METTL15: variants seen among roughly 807,000 people sequenced by gnomAD.
METTL15 encodes the protein methyltransferase 15, mitochondrial 12S rRNA N4-cytidine.
In METTL15, 34 loss-of-function variants were observed where a neutral mutation model predicts 38.3. The observed-to-expected ratio is 0.89, with a 90% CI of 0.68 to 1.18. The LOEUF (loss-of-function observed/expected upper bound fraction) is 1.18. Among genes scored for constraint, METTL15 ranks in the 50% most tolerant of loss-of-function variants. The probability of loss-of-function intolerance (pLI) is 0.00; values close to 1 mark genes in which losing one functional copy is unlikely to be tolerated. For missense variants in METTL15, 438 were observed against 498.4 expected (o/e 0.88, Z 1.15); for synonymous variants, 162 against 170.9 (o/e 0.95, Z 0.41).
At chr11:28,415,199 A>G (rs907177241) in intron 5 of METTL15, among the ~76,000 whole-genome samples, 2 of 152,216 alleles carry the variant, frequency 1.3e-5, no homozygotes, top group Non-Finnish European at 2.9e-5. Context: ...TTTCTGTAGT[A>G]TATAGAGTTA....
intron 3 of METTL15, among the ~76,000 whole-genome samples, chr11:28,118,330 G>A (rs1852063364): frequency 6.6e-6 from 1 of 151,970 alleles, no homozygotes; most frequent in Non-Finnish European, 1.5e-5. Flanking sequence ...ATATTTACTA[G>A]TTTTAATTAT....
At chr11:28,237,397 C>G (rs951494445) in intron 4 of METTL15, among the ~76,000 whole-genome samples, 43 of 152,292 alleles carry the variant, frequency 2.8e-4, no homozygotes, top group African/African-American at 9.9e-4. Context: ...ATCGCATTGG[C>G]TCTTGAGGCT....
At chr11:28,149,286 A>T (rs1391873501) in intron 3 of METTL15, among the ~76,000 whole-genome samples, 3 of 151,546 alleles carry the variant, frequency 2.0e-5, no homozygotes, top group African/African-American at 7.3e-5. Flanking sequence ...AACTGACAGT[A>T]CTTGGCACAG....
chr11:28,484,508 G>A (rs1284737631), intron 6 of METTL15, among the ~76,000 whole-genome samples: 5 of 152,226 alleles, frequency 3.3e-5, no homozygotes, highest in Non-Finnish European at 5.9e-5. Flanking sequence ...GGATTTCCAT[G>A]TCCTTTGTTG....
chr11:28,318,451 G>A (rs1849347095), intron 6 of METTL15, among the ~76,000 whole-genome samples: 2 of 152,086 alleles, frequency 1.3e-5, no homozygotes, highest in African/African-American at 2.4e-5. Flanking sequence ...CAAGAAGAGG[G>A]AGGCATTCTA....
chr11:28,434,098 G>T (rs1850960546), intron 6 of METTL15, among the ~76,000 whole-genome samples: 1 of 152,082 alleles, frequency 6.6e-6, no homozygotes, highest in South Asian at 2.1e-4. Context: ...GGAGGAACTA[G>T]GTGGAGATAA....
intron 3 of METTL15, among the ~76,000 whole-genome samples, chr11:28,167,306 A>AATC (rs1293648146): frequency 6.6e-6 from 1 of 152,178 alleles, no homozygotes; most frequent in East Asian, 1.9e-4. Context: ...CAGCTCTCAG[A>AATC]ATCAGCAAGA....
chr11:28,216,444 A>C (rs905921593), intron 4 of METTL15, among the ~76,000 whole-genome samples: 2 of 152,166 alleles, frequency 1.3e-5, no homozygotes, highest in Non-Finnish European at 1.5e-5. Flanking sequence ...AAATAGATCC[A>C]TTTCAAAATT....
intron 4 of METTL15, among the ~76,000 whole-genome samples, chr11:28,263,131 A>G (rs963492064): frequency 3.3e-5 from 5 of 152,026 alleles, no homozygotes; most frequent in Admixed American, 1.3e-4. Context: ...ACTGAACAGT[A>G]TGTTCATTAG....
intron 3 of METTL15, among the ~76,000 whole-genome samples, chr11:28,208,160 T>A (rs994091951): frequency 2.0e-5 from 3 of 152,298 alleles, no homozygotes; most frequent in African/African-American, 7.2e-5. Flanking sequence ...AACTTTTGAA[T>A]GTGTTTGCTC....
chr11:28,434,083 C>G (rs1268675185), intron 6 of METTL15, among the ~76,000 whole-genome samples: 1 of 152,168 alleles, frequency 6.6e-6, no homozygotes, highest in East Asian at 1.9e-4. Flanking sequence ...CCCCACATGT[C>G]GTGGGGAGGA....
downstream of METTL15, among the ~76,000 whole-genome samples, chr11:28,334,205 G>C (rs1052251716): frequency 2.6e-5 from 4 of 151,808 alleles, no homozygotes; most frequent in Admixed American, 2.0e-4. Context: ...CTTCTTCTCT[G>C]TTCACATTGG....
intron 6 of METTL15, among the ~76,000 whole-genome samples, chr11:28,468,717 G>T (rs1463667825): frequency 1.3e-5 from 2 of 152,132 alleles, no homozygotes. Flanking sequence ...GTCAGCAAAG[G>T]GAGCTTCGTG....
intron 6 of METTL15, among the ~76,000 whole-genome samples, chr11:28,314,319 G>A (rs953968451): frequency 2.0e-5 from 3 of 152,218 alleles, no homozygotes; most frequent in South Asian, 2.1e-4. Flanking sequence ...CTACAGGAAG[G>A]CATGCAACTT....
At chr11:28,490,651 T>C (rs1851486877) in intron 6 of METTL15, among the ~76,000 whole-genome samples, 1 of 152,140 alleles carries the variant, frequency 6.6e-6, no homozygotes, top group Non-Finnish European at 1.5e-5. Flanking sequence ...GCACCACTAA[T>C]TTAATTGAAT....
At chr11:28,122,016 T>G (rs1449729312) in intron 3 of METTL15, 1 of 490,038 alleles carries the variant, frequency 2.0e-6, no homozygotes, top group African/African-American at 2.1e-5. Context: ...AATTCTTATA[T>G]TTGATCATTT....
chr11:28,163,281 GA>G (rs896508852), intron 3 of METTL15: 15 of 396,626 alleles, frequency 3.8e-5, no homozygotes, highest in South Asian at 2.6e-4. Flanking sequence ...AATGCTTGAA[GA>G]AAAAAAAGTA....
At chr11:28,163,381 G>T (rs968263509) in intron 3 of METTL15, 7 of 398,028 alleles carry the variant, frequency 1.8e-5, no homozygotes, top group Non-Finnish European at 2.7e-5. Flanking sequence ...TTCTGCACCT[G>T]TTACCAGAAC....
chr11:28,438,968 C>T (rs1263376237), intron 6 of METTL15, among the ~76,000 whole-genome samples: 7 of 151,616 alleles, frequency 4.6e-5, no homozygotes, highest in South Asian at 2.1e-4. Flanking sequence ...TGAGCCACCG[C>T]GCCCAGCCAG....
Sources: allele counts gnomAD v4.1 joint callset (sites outside exome capture counted in the v4.1 genomes callset), GRCh38; gene constraint gnomAD v4.1.1; transcripts MANE v1.5; gene names NCBI Gene and HGNC (gene_info 2026-07-23, HGNC 2026-07-21).